The following PRKDC variants were observed in gnomAD, a reference collection of about 807,000 sequenced individuals.
PRKDC encodes the protein DNA-dependent protein kinase catalytic subunit.
In PRKDC, 82 loss-of-function variants were observed where a neutral mutation model predicts 486.9. The ratio of observed to expected loss-of-function variants is 0.17; its 90% CI spans 0.14 to 0.20. The LOEUF is 0.20. Ranked by LOEUF, PRKDC falls within the 10% of genes least tolerant of loss-of-function variation. The pLI is 1.00. For synonymous variants in PRKDC, 1,895 were observed against 1,837.0 expected, an observed-to-expected ratio of 1.03 and a Z score of -0.81; for missense variants, 4,504 against 5,038.2, an observed-to-expected ratio of 0.89 and a Z score of 3.21.
chr8:47,888,988 T>C (rs1389575150), intron 33 of PRKDC, 26 bp downstream of exon 33: 1 of 1,597,790 alleles, frequency 6.3e-7, no homozygotes, highest in Admixed American at 1.7e-5. Flanking sequence ...GGACAACATG[T>C]CCCCGATTGT....
chr8:47,828,056 G>C, intron 62 of PRKDC, 112 bp downstream of exon 62: 1 of 1,061,904 alleles, frequency 9.4e-7, no homozygotes, highest in Non-Finnish European at 1.3e-6. Flanking sequence ...ATCTTACTCT[G>C]TTAAACACCA....
chr8:47,826,790 G>T lies in PRKDC; in HGVS notation c.8649C>A (p.Ser2883Arg). Reference protein sequence around the residue: ...PAAVSAGCLASLQQPVGIRLL... With the variant: ...PAAVSAGCLARLQQPVGIRLL... Reference sequence around the variant, plus strand: ...GGCGGATGCCCACGGGCTGCTGTAGGCTGGCCAGGCAACCAGCGCTAACAG... The same window carrying T: ...GGCGGATGCCCACGGGCTGCTGTAGTCTGGCCAGGCAACCAGCGCTAACAG... The change falls in exon 63 of 86, where the codon AGC becomes AGA. Residue 2883 changes from serine (S) to arginine (R), a missense_variant. Around this residue, in one of 6 missense-constraint regions of PRKDC, gnomAD observed 1,592 missense variants for 1,724.6 expected, o/e 0.92. Coordinates refer to ENST00000314191, the MANE Select transcript of PRKDC (RefSeq NM_006904.7). 1 of 1,609,790 alleles carries T rather than the reference G, an allele frequency of 6.2e-7. No homozygotes were observed. The highest frequency in any genetic ancestry group is 1.3e-5 in the African/African-American group (1 of 75,002).
intron 40 of PRKDC, among the ~76,000 whole-genome samples, chr8:47,875,855 A>G (rs2089081169): frequency 6.6e-6 from 1 of 152,208 alleles, no homozygotes; most frequent in African/African-American, 2.4e-5. Flanking sequence ...TGCTGCAGGT[A>G]TGCTCCAAAA....
intron 74 of PRKDC, among the ~76,000 whole-genome samples, chr8:47,793,870 C>A (rs1216683920): frequency 6.6e-6 from 1 of 152,106 alleles, no homozygotes; most frequent in Non-Finnish European, 1.5e-5. Flanking sequence ...TAGTTGCGCA[C>A]TACTGCTCAC....
Position 47,916,539 on chromosome 8 carries a change from T to C in PRKDC, c.2527-1121A>G, listed in dbSNP as rs576755038. Among the ~76,000 whole-genome samples, 14 of 152,358 alleles carry C rather than the reference T, an allele frequency of 9.2e-5. No individual in the cohort carries two copies. In the East Asian group the frequency reaches 1.9e-3, roughly 21 times the overall value. ...TCACTTAAAAGCTTAAATTTTATCA[T>C]TGGCAACAGATTTTCAGAAGTTTTC... On this transcript the variant is annotated intron_variant, in intron 22 of 85. Coordinates refer to ENST00000314191, the MANE Select transcript of PRKDC (RefSeq NM_006904.7).
intron 54 of PRKDC, 147 bp downstream of exon 54, chr8:47,849,007 G>T: frequency 9.5e-7 from 1 of 1,055,454 alleles, no homozygotes; most frequent in East Asian, 2.6e-5. Flanking sequence ...CTATTCTTAT[G>T]GTGCCTTCAC....
At chr8:47,935,642 A>C (rs2090337055) in intron 13 of PRKDC, 90 bp downstream of exon 13, 2 of 1,395,446 alleles carry the variant, frequency 1.4e-6, no homozygotes, top group South Asian at 1.8e-5. Context: ...AAGATACAAA[A>C]GAATTTGGTA....
At chr8:47,903,410 C>T (rs756610143) in intron 26 of PRKDC, among the ~76,000 whole-genome samples, 4 of 152,220 alleles carry the variant, frequency 2.6e-5, no homozygotes, top group Non-Finnish European at 2.9e-5. Context: ...AACTTGAAAA[C>T]GTACACTCAA....
intron 72 of PRKDC, among the ~76,000 whole-genome samples, chr8:47,798,625 T>G (rs1319553228): frequency 1.3e-5 from 2 of 152,176 alleles, no homozygotes. Flanking sequence ...GTTTGAATCC[T>G]GGGCTGGGAA....
Position 47,957,437 on chromosome 8 carries a change from C to A in PRKDC, c.155-6G>T. ...AACTAAAGATGTCTGTAATGCTGTT[C>A]AAAAAAATAAGTAAACAAGTTAAGA... On this transcript the variant is annotated splice_region_variant and splice_polypyrimidine_tract_variant and intron_variant, in intron 1 of 85. Coordinates refer to ENST00000314191, the MANE Select transcript of PRKDC (RefSeq NM_006904.7). The A allele has an allele frequency of 1.9e-6, 3 of 1,568,670 alleles. No individual in the cohort carries two copies. The highest frequency in any genetic ancestry group is 2.3e-5 in the South Asian group (2 of 85,258).
At chr8:47,786,140 C>T (rs933484371) in intron 76 of PRKDC, among the ~76,000 whole-genome samples, 6 of 142,914 alleles carry the variant, frequency 4.2e-5, no homozygotes, top group African/African-American at 1.3e-4. Context: ...TGACCAGGCG[C>T]GGTGGCTCAT....
intron 67 of PRKDC, 60 bp from the exon 68 acceptor site, chr8:47,817,621 A>G: frequency 9.2e-7 from 1 of 1,092,654 alleles, no homozygotes; most frequent in Non-Finnish European, 1.3e-6. Flanking sequence ...CAAATGACAA[A>G]GGTCATTATC....
intron 40 of PRKDC, among the ~76,000 whole-genome samples, chr8:47,874,105 G>A (rs1018677733): frequency 4.0e-5 from 6 of 150,126 alleles, no homozygotes; most frequent in African/African-American, 9.8e-5. Flanking sequence ...CACCACGCCC[G>A]GCTAATTTTT....
chr8:47,882,174 A>G, intron 36 of PRKDC, 77 bp from the exon 37 acceptor site: 2 of 1,337,484 alleles, frequency 1.5e-6, no homozygotes, highest in Non-Finnish European at 2.1e-6. Flanking sequence ...CCTTTATTTC[A>G]AAGCTATTCT....
chr8:47,855,270 A>G lies in PRKDC; in HGVS notation c.6713T>C (p.Ile2238Thr), dbSNP rs781624012. 7.5e-6 allele frequency: 12 copies of G among 1,604,624 alleles called. No homozygotes were observed. The highest frequency in any genetic ancestry group is 2.2e-5 in the East Asian group (1 of 44,762). The part of the protein sequence containing the change: ...RAVFRHNLEI[I>T]KTLVECWKDC... ...CTTCCAGCACTCGACAAGGGTCTTT[A>G]TAATTTCAAGGTTGTGTCTAAACAC... Residue 2238 changes from isoleucine (I) to threonine (T), a missense_variant, in exon 50 of 86, where the codon ATA becomes ACA. By Grantham distance (89) the Ile-to-Thr change is moderately conservative (BLOSUM62 -1). Transcript: ENST00000314191.
At chr8:47,846,906 T>C (rs969460514) in intron 54 of PRKDC, among the ~76,000 whole-genome samples, 2 of 152,030 alleles carry the variant, frequency 1.3e-5, no homozygotes, top group Admixed American at 6.5e-5. Flanking sequence ...CTATTTACAA[T>C]AGCAAAGAAA....
At chr8:47,919,729 T>G (rs1427951675) in intron 21 of PRKDC, among the ~76,000 whole-genome samples, 1 of 151,892 alleles carries the variant, frequency 6.6e-6, no homozygotes, top group East Asian at 1.9e-4. Flanking sequence ...AGTGGTTTTT[T>G]TTTTTTTTTT....
At chr8:47,796,348 A>AAAAT (rs756695683) in intron 73 of PRKDC, among the ~76,000 whole-genome samples, 6 of 152,056 alleles carry the variant, frequency 3.9e-5, no homozygotes, top group African/African-American at 7.2e-5. Flanking sequence ...AAAAAAATAA[A>AAAAT]AAATAAATAA....
chr8:47,886,434 G>C (rs1321190009), intron 35 of PRKDC, among the ~76,000 whole-genome samples: 2 of 152,258 alleles, frequency 1.3e-5, no homozygotes, highest in East Asian at 3.9e-4. Flanking sequence ...CTGTTGCCCA[G>C]GCTGGAGTAC....
Sources: gnomAD v4.1 joint callset for allele counts (sites outside exome capture counted in the v4.1 genomes callset) on GRCh38, gnomAD v4.1.1 for gene constraint, gnomAD v4.1.1 regional missense constraint, MANE v1.5 for transcripts, NCBI Gene and HGNC (gene_info 2026-07-23, HGNC 2026-07-21) for gene names.